EHD1: variants seen among roughly 807,000 people sequenced by gnomAD.
The protein encoded by EHD1 is EH domain-containing protein 1.
EHD1 carries 19 observed loss-of-function variants against 39.0 expected under a neutral mutation model. That is an observed-to-expected ratio of 0.49 (90% CI 0.34 to 0.72). The LOEUF is 0.72. Among genes scored for constraint, EHD1 ranks in the 30% least tolerant of loss-of-function variants. The probability of loss-of-function intolerance (pLI) is 0.01; values close to 1 mark genes in which losing one functional copy is unlikely to be tolerated. For synonymous variants in EHD1, 323 were observed against 331.2 expected, an observed-to-expected ratio of 0.98 and a Z score of 0.27; for missense variants, 542 against 751.5, an observed-to-expected ratio of 0.72 and a Z score of 3.26.
chr11:64,855,364 G>A lies in EHD1; in HGVS notation c.1038C>T (p.His346=). Residue 346 remains histidine (H), a synonymous_variant, in exon 4 of 5, where the codon CAC becomes CAT. Coordinates refer to ENST00000320631, the MANE Select transcript of EHD1 (RefSeq NM_006795.4). ...GEIYQKIERE[H]QISPGDFPSL... ...TCGGGAAGTCCCCAGGGGAGATCTG[G>A]TGCTCGCGCTCAATCTTCTGGTAGA... 1 of 1,614,164 alleles carries A rather than the reference G, an allele frequency of 6.2e-7. No individual in the cohort carries two copies. The highest frequency in any genetic ancestry group is 8.5e-7 in the Non-Finnish European group (1 of 1,180,008).
chr11:64,869,944 A>G (rs1362180723), intron 2 of EHD1, among the ~76,000 whole-genome samples: 1 of 152,140 alleles, frequency 6.6e-6, no homozygotes, highest in East Asian at 1.9e-4. Context: ...GAGTGTGGGC[A>G]GGGAGGCCCC....
rs542993676 is a variant in EHD1 at position 64,872,798 on chromosome 11, C to A, written c.502+1623G>T. Among the ~76,000 whole-genome samples, 30 of 152,280 alleles carry A rather than the reference C, an allele frequency of 2.0e-4. No individual in the cohort carries two copies. In the South Asian group the frequency reaches 5.8e-3, roughly 29 times the overall value. On this transcript the variant is annotated intron_variant, in intron 2 of 4. Coordinates refer to ENST00000320631, the MANE Select transcript of EHD1 (RefSeq NM_006795.4). ...GAAAGAGAAGCAAGGTTTCTCAGCT[C>A]CAAGAACAGAGTCCCCATGCCCTCA...
At chr11:64,879,672 C>T (rs1054944639), upstream of EHD1, 3 of 1,550,302 alleles carry the variant, frequency 1.9e-6, no homozygotes, top group Non-Finnish European at 2.6e-6. Flanking sequence ...ACACACAGAC[C>T]CCTTTGGCTG....
chr11:64,858,354 G>C (rs1943676947), intron 3 of EHD1, among the ~76,000 whole-genome samples: 1 of 151,306 alleles, frequency 6.6e-6, no homozygotes, highest in Non-Finnish European at 1.5e-5. Flanking sequence ...GCTAATTTTT[G>C]TATTTTTTTT....
Position 64,855,468 on chromosome 11 carries a change from T to C in EHD1, c.934A>G (p.Ser312Gly). ...RLAKVHAYII[S>G]SLKKEMPNVF... ...TTGGGCATCTCTTTCTTGAGGGAGCTGATGATGTAGGCGTGAACCTGTGAG... is the reference window on the plus strand; with the variant it reads ...TTGGGCATCTCTTTCTTGAGGGAGCCGATGATGTAGGCGTGAACCTGTGAG... Residue 312 changes from serine (S) to glycine (G), a missense_variant, in exon 4 of 5, where the codon AGC (serine) becomes GGC (glycine). By Grantham distance (56) the Ser-to-Gly change is moderately conservative. Transcript: ENST00000320631. The C allele has an allele frequency of 6.2e-7, 1 of 1,613,900 alleles. No individual in the cohort carries two copies. The highest frequency in any genetic ancestry group is 8.5e-7 in the Non-Finnish European group (1 of 1,179,998).
At chr11:64,877,109 C>A (rs113471557) in intron 1 of EHD1, among the ~76,000 whole-genome samples, 1 of 152,154 alleles carries the variant, frequency 6.6e-6, no homozygotes, top group Non-Finnish European at 1.5e-5. Context: ...AGTCCGTGAA[C>A]GTGGGGTGGC....
intron 2 of EHD1, among the ~76,000 whole-genome samples, chr11:64,867,445 G>A (rs181166383): frequency 6.9e-4 from 105 of 151,534 alleles, no homozygotes; most frequent in East Asian, 5.6e-3. Context: ...AAGGCTAAGC[G>A]CGGCGGCTTA....
rs769305088 is a variant in EHD1 at position 64,878,523 on chromosome 11, G to A, written c.-59C>T. The A allele has an allele frequency of 1.3e-5, 20 of 1,520,478 alleles. No homozygotes were observed. The highest frequency in any genetic ancestry group is 1.7e-5 in the Non-Finnish European group (19 of 1,138,340). The allele number at this position is 1,520,478 out of a possible 1,614,324, so 94.2% of individuals were successfully genotyped here. A position where few individuals can be genotyped will look rare whatever the true frequency, so the allele number is the denominator to read the frequency against. Reference sequence around the variant, plus strand: ...GAGCGGCGGCTGAGAGCGGGGCGAGGGTGCGGAGCCGAGGCGGGGCCGGCC... The same window carrying A: ...GAGCGGCGGCTGAGAGCGGGGCGAGAGTGCGGAGCCGAGGCGGGGCCGGCC... On this transcript the variant is annotated 5_prime_UTR_variant, in exon 1 of 5. Transcript: ENST00000320631.
chr11:64,876,374 C>A (rs558117448), intron 1 of EHD1, among the ~76,000 whole-genome samples: 2 of 152,354 alleles, frequency 1.3e-5, no homozygotes, highest in East Asian at 3.9e-4. Flanking sequence ...TGGGCCTCAG[C>A]GTGGGCTGAT....
intron 2 of EHD1, among the ~76,000 whole-genome samples, chr11:64,869,252 T>C (rs945957650): frequency 6.6e-6 from 1 of 152,248 alleles, no homozygotes; most frequent in Non-Finnish European, 1.5e-5. Flanking sequence ...GCCTCCTCTG[T>C]GGCAGAGCCT....
Position 64,868,232 on chromosome 11 carries a change from G to C in EHD1, c.502+6189C>G, listed in dbSNP as rs1327569554. Reference sequence around the variant, plus strand: ...GTGGGCTTCAGTATTTCTCGCCCTAGCTCTCCATCACACAGGTTTCCAACG... The same window carrying C: ...GTGGGCTTCAGTATTTCTCGCCCTACCTCTCCATCACACAGGTTTCCAACG... On this transcript the variant is annotated intron_variant, in intron 2 of 4. Transcript: ENST00000320631. The surrounding 1 kb of genome is among the most constrained non-coding windows in gnomAD (Gnocchi z 4.2). Among the ~76,000 whole-genome samples the C allele has an allele frequency of 6.6e-6, 1 of 152,172 alleles. No individual in the cohort carries two copies. Among genetic ancestry groups the C allele is most frequent in the Non-Finnish European group, 1.5e-5 (1 of 68,030 alleles).
chr11:64,878,539 G>C lies in EHD1; in HGVS notation c.-75C>G. On this transcript the variant is annotated 5_prime_UTR_variant, in exon 1 of 5. Coordinates refer to ENST00000320631, the MANE Select transcript of EHD1 (RefSeq NM_006795.4). ...CGGGGCGAGGGTGCGGAGCCGAGGCGGGGCCGGCCGGGGCAGGGAATCGGG... is the reference window on the plus strand; with the variant it reads ...CGGGGCGAGGGTGCGGAGCCGAGGCCGGGCCGGCCGGGGCAGGGAATCGGG... 6.8e-7 allele frequency: 1 copy of C among 1,480,446 alleles called. No individual in the cohort carries two copies. The highest frequency in any genetic ancestry group is 8.9e-7 in the Non-Finnish European group (1 of 1,119,396). 91.7% of individuals were successfully genotyped at this position (1,480,446 alleles called of 1,614,324 possible). A position where few individuals can be genotyped will look rare whatever the true frequency, so the allele number is the denominator to read the frequency against.
chr11:64,878,048 G>A lies in EHD1; in HGVS notation c.404+13C>T. 1 of 1,498,144 alleles carries A rather than the reference G, an allele frequency of 6.7e-7. No homozygotes were observed. The highest frequency in any genetic ancestry group is 8.8e-7 in the Non-Finnish European group (1 of 1,130,126). 92.8% of individuals were successfully genotyped at this position (1,498,144 alleles called of 1,614,324 possible). On this transcript the variant is annotated intron_variant, in intron 1 of 4. Coordinates refer to ENST00000320631, the MANE Select transcript of EHD1 (RefSeq NM_006795.4). ...GGACGCGCCCCCCGCCCCCTGGAGT[G>A]ATGGGTGGGTACCTGTTGAGGAAAG...
intron 3 of EHD1, among the ~76,000 whole-genome samples, chr11:64,858,427 C>T (rs1274158046): frequency 2.0e-5 from 3 of 151,182 alleles, no homozygotes; most frequent in Non-Finnish European, 2.9e-5. Context: ...TCAGGTGATG[C>T]GCCCACCCAC....
At position 64,853,121 on chromosome 11, in the gene EHD1, G is replaced by A. The variant is rs1417790412; in HGVS notation, c.*1212C>T. The A allele has an allele frequency of 6.7e-6, 1 of 150,016 alleles. No individual in the cohort carries two copies. The highest frequency in any genetic ancestry group is 1.5e-5 in the Non-Finnish European group (1 of 67,288). The allele number at this position is 150,016 out of a possible 1,614,324, so 9.3% of individuals were successfully genotyped here. A position where few individuals can be genotyped will look rare whatever the true frequency, so the allele number is the denominator to read the frequency against. On this transcript the variant is annotated 3_prime_UTR_variant, in exon 5 of 5. Transcript: ENST00000320631. ...GCGGCCTGAACTGGCCCGGGCCACTGGGCCGCAAGGTTCTGGTTTCTTATT... is the reference window on the plus strand; with the variant it reads ...GCGGCCTGAACTGGCCCGGGCCACTAGGCCGCAAGGTTCTGGTTTCTTATT...
chr11:64,871,606 G>A (rs147406141), intron 2 of EHD1, among the ~76,000 whole-genome samples: 5 of 152,328 alleles, frequency 3.3e-5, no homozygotes, highest in African/African-American at 9.6e-5. Context: ...TAGTAAAATC[G>A]GTTTGATCTT....
chr11:64,874,787 CT>C (rs1943868202), intron 1 of EHD1, among the ~76,000 whole-genome samples: 1 of 152,182 alleles, frequency 6.6e-6, no homozygotes, highest in Non-Finnish European at 1.5e-5. Flanking sequence ...GAGAGGTCAA[CT>C]TTCAAGCTGC....
At position 64,854,594 on chromosome 11, in the gene EHD1, G is replaced by A. The variant is rs1054019174; in HGVS notation, c.1344C>T (p.Tyr448=). The change falls in exon 5 of 5, where the codon TAC becomes TAT. Residue 448 remains tyrosine (Y), a synonymous_variant. Transcript: ENST00000320631. ...EWVVGKDKPT[Y]DEIFYTLSPV... ...GGGACAGCGTGTAGAAGATCTCGTC[G>A]TAGGTGGGCTTGTCCTTGCCCACCA... The A allele has an allele frequency of 1.8e-5, 29 of 1,613,910 alleles. No individual in the cohort carries two copies. The highest frequency in any genetic ancestry group is 5.0e-5 in the Admixed American group (3 of 59,984).
In EHD1 at chr11:64,854,450, C is replaced by A. The variant is rs773707020; in HGVS notation, c.1488G>T (p.Leu496=). 6.2e-7 allele frequency: 1 copy of A among 1,614,158 alleles called. No homozygotes were observed. The highest frequency in any genetic ancestry group is 8.5e-7 in the Non-Finnish European group (1 of 1,179,994). ...TGGCCAGCGCGAACTCCTCGTCGTC[C>A]AGCAGCCCGTCCTTGTCCACGTCGG... is the stretch of plus-strand genomic sequence containing the variant. ...KLADVDKDGL[L]DDEEFALANH... The change falls in exon 5 of 5, where the codon CTG becomes CTT. Residue 496 remains leucine, a synonymous_variant. Transcript: ENST00000320631.
Sources: gnomAD v4.1 joint callset for allele counts (sites outside exome capture counted in the v4.1 genomes callset) on GRCh38, gnomAD v4.1.1 for gene constraint, Gnocchi (gnomAD v3.1) non-coding constraint, MANE v1.5 for transcripts, NCBI Gene and HGNC (gene_info 2026-07-23, HGNC 2026-07-21) for gene names.